Variants in PYGB observed in about 807,000 individuals in gnomAD.
PYGB encodes the protein glycogen phosphorylase B, also known as glycogen phosphorylase, brain form.
PYGB carries 82 observed loss-of-function variants against 94.3 expected under a neutral mutation model. The observed-to-expected ratio is 0.87, with a 90% confidence interval of 0.73 to 1.04. The LOEUF (loss-of-function observed/expected upper bound fraction) is 1.04, where lower values mean the gene tolerates loss of function less well. PYGB is among the 50% of genes least tolerant of loss of function. The pLI, the probability that PYGB is intolerant of heterozygous loss-of-function variation, is 0.00. For missense variants in PYGB, 1,132 were observed against 1,158.2 expected, an observed-to-expected ratio of 0.98 and a Z score of 0.33; for synonymous variants, 488 against 479.1, an observed-to-expected ratio of 1.02 and a Z score of -0.24.
intron 2 of PYGB, among the ~76,000 whole-genome samples, chr20:25,268,825 C>T (rs770854168): frequency 3.3e-5 from 5 of 152,186 alleles, no homozygotes; most frequent in African/African-American, 9.7e-5. Context: ...AAATATGTCA[C>T]GTAAATATCG....
intron 11 of PYGB, among the ~76,000 whole-genome samples, chr20:25,281,529 C>G (rs977520654): frequency 6.6e-6 from 1 of 152,224 alleles, no homozygotes. Context: ...GGAATTACTC[C>G]CACTCTTTCA....
intron 18 of PYGB, chr20:25,294,719 A>G: frequency 1.6e-6 from 1 of 616,366 alleles, no homozygotes; most frequent in Non-Finnish European, 2.9e-6. Flanking sequence ...GCAGTGGTGA[A>G]AATGGATTTC....
Position 25,278,377 on chromosome 20 carries a change from T to A in PYGB, c.914T>A (p.Leu305His), listed in dbSNP as rs772433213. Reference protein sequence around the residue: ...KQEYFVVAATLQDIIRRFKSS... With the variant: ...KQEYFVVAATHQDIIRRFKSS... ...GAGTACTTCGTGGTGGCCGCCACGCTCCAGGACATCATCCGCCGCTTCAAG... is the reference window on the plus strand; with the variant it reads ...GAGTACTTCGTGGTGGCCGCCACGCACCAGGACATCATCCGCCGCTTCAAG... Residue 305 changes from leucine to histidine, a missense_variant, in exon 8 of 20, where the codon CTC becomes CAC. Leu to His is a moderately conservative substitution (Grantham distance 99). Coordinates refer to ENST00000216962, the MANE Select transcript of PYGB (RefSeq NM_002862.4). The A allele has an allele frequency of 6.2e-7, 1 of 1,602,358 alleles. No individual in the cohort carries two copies. Among genetic ancestry groups the A allele is most frequent in the African/African-American group, 1.4e-5 (1 of 70,254 alleles).
intron 1 of PYGB, among the ~76,000 whole-genome samples, chr20:25,252,113 C>G (rs1054680787): frequency 3.3e-5 from 5 of 152,218 alleles, no homozygotes; most frequent in African/African-American, 1.2e-4. Flanking sequence ...GGGCAGGCTT[C>G]CCTGACAGCA....
rs1266609111 is a variant in PYGB, at chr20:25,290,539, ACGT to A, written c.1891_1893del (p.Val631del). 3.7e-6 allele frequency: 6 copies of A among 1,611,720 alleles called. No individual in the cohort carries two copies. Among genetic ancestry groups the A allele is most frequent in the Non-Finnish European group, 5.1e-6 (6 of 1,177,992 alleles). On this transcript the variant is annotated inframe_deletion, in exon 16 of 20. Coordinates refer to ENST00000216962, the MANE Select transcript of PYGB (RefSeq NM_002862.4). ...ATCAAGTTGGTCACCTCCATCGGCG[ACGT>A]CGTCAATCATGACCCAGTTGTGGGT...
At chr20:25,250,986 TA>T (rs2092886200) in intron 1 of PYGB, 1 of 152,202 alleles carries the variant, frequency 6.6e-6, no homozygotes, top group Non-Finnish European at 1.5e-5. Context: ...TTTTAATACA[TA>T]AAATAACATT....
Position 25,288,461 on chromosome 20 carries a change from G to A in PYGB, c.1805G>A (p.Arg602Lys), listed in dbSNP as rs1245860533. ...KRDPAKAFVP[R>K]TVMIGGKAAP... ...GACCCGGCCAAGGCTTTTGTGCCCA[G>A]GACTGTTATGATTGGGGGCAAGGTG... Residue 602 changes from arginine (R) to lysine (K), a missense_variant, in exon 15 of 20, where the codon AGG becomes AAG. Physicochemically the swap from Arg to Lys is conservative, Grantham distance 26. Coordinates refer to ENST00000216962, the MANE Select transcript of PYGB (RefSeq NM_002862.4). 1.9e-6 allele frequency: 3 copies of A among 1,614,150 alleles called. No individual in the cohort carries two copies. The highest frequency in any genetic ancestry group is 2.2e-5 in the East Asian group (1 of 44,876).
intron 2 of PYGB, among the ~76,000 whole-genome samples, chr20:25,260,602 G>C (rs1165425986): frequency 1.3e-5 from 2 of 152,224 alleles, no homozygotes; most frequent in African/African-American, 2.4e-5. Context: ...CTGAGGTACT[G>C]GGTTCATCTC....
intron 1 of PYGB, among the ~76,000 whole-genome samples, chr20:25,257,937 C>T (rs923752823): frequency 6.6e-6 from 1 of 152,122 alleles, no homozygotes; most frequent in African/African-American, 2.4e-5. Flanking sequence ...AAATAAAATC[C>T]AGCATGATGA....
intron 2 of PYGB, among the ~76,000 whole-genome samples, chr20:25,260,476 T>C (rs1229281430): frequency 6.6e-6 from 1 of 152,238 alleles, no homozygotes; most frequent in African/African-American, 2.4e-5. Context: ...CAAGCATGTA[T>C]CCTTTTAAAC....
intron 18 of PYGB, 77 bp from the exon 19 acceptor site, chr20:25,295,526 GC>G (rs2088527578): frequency 6.7e-7 from 1 of 1,499,278 alleles, no homozygotes; most frequent in Non-Finnish European, 9.3e-7. Flanking sequence ...CTGGCCTCCT[GC>G]CCTGGGACTC....
intron 7 of PYGB, among the ~76,000 whole-genome samples, 172 bp downstream of exon 7, chr20:25,277,498 C>T (rs562105464): frequency 1.3e-5 from 2 of 152,282 alleles, no homozygotes; most frequent in Admixed American, 6.5e-5. Flanking sequence ...GGAGAGGGTG[C>T]ACTGTCCTCC....
In PYGB at chr20:25,271,715, G is replaced by T. The variant is rs541009581; in HGVS notation, c.528+229G>T. On this transcript the variant is annotated intron_variant, in intron 4 of 19. Coordinates refer to ENST00000216962, the MANE Select transcript of PYGB (RefSeq NM_002862.4). ...GCTTTTTGCCAGCTGCCTCTGCCTG[G>T]TGACAGGGAAGTTGGGGCGTGCAGG... Among the ~76,000 whole-genome samples the T allele has an allele frequency of 1.2e-4, 18 of 152,330 alleles. No homozygotes were observed. The South Asian group carries it at 2.3e-3, about 19-fold the overall frequency.
intron 1 of PYGB, among the ~76,000 whole-genome samples, chr20:25,258,223 C>T (rs770903130): frequency 7.2e-5 from 11 of 152,116 alleles, no homozygotes; most frequent in East Asian, 1.9e-4. Context: ...TGGACCTCAC[C>T]GACGACCCAT....
chr20:25,282,970 C>T (rs185928951), intron 12 of PYGB, among the ~76,000 whole-genome samples: 1 of 152,216 alleles, frequency 6.6e-6, no homozygotes, highest in East Asian at 1.9e-4. Context: ...TGGGACTGGG[C>T]CATCTCGCAG....
chr20:25,284,372 C>A (rs1349721726), intron 14 of PYGB, 121 bp downstream of exon 14: 7 of 1,313,158 alleles, frequency 5.3e-6, no homozygotes, highest in Non-Finnish European at 6.2e-6. Context: ...TAGGCGTGTG[C>A]ATGTGTGATG....
At chr20:25,280,820 C>A in intron 10 of PYGB, 129 bp from the exon 11 acceptor site, 1 of 1,252,272 alleles carries the variant, frequency 8.0e-7, no homozygotes, top group Non-Finnish European at 1.1e-6. Context: ...GCTGTCACAG[C>A]CCCAGAACTT....
intron 2 of PYGB, among the ~76,000 whole-genome samples, chr20:25,264,624 A>G (rs2092920643): frequency 6.6e-6 from 1 of 152,182 alleles, no homozygotes; most frequent in African/African-American, 2.4e-5. Flanking sequence ...ATTCCTATAC[A>G]CCAATAAACA....
At position 25,281,158 on chromosome 20, in the gene PYGB, C is replaced by T. The variant is rs368293761; in HGVS notation, c.1403+46C>T. 4 of 1,605,084 alleles carry T rather than the reference C, an allele frequency of 2.5e-6. No individual in the cohort carries two copies. In the African/African-American group the frequency reaches 5.3e-5, roughly 21 times the overall value. On this transcript the variant is annotated intron_variant, in intron 11 of 19. Transcript: ENST00000216962. ...AGCGGGGCCAGCTCTGTCTGACACC[C>T]AGGCCTGCGTCTAGGACCATCCACC...
Sources: gnomAD v4.1 joint callset for allele counts (sites outside exome capture counted in the v4.1 genomes callset) on GRCh38, gnomAD v4.1.1 for gene constraint, MANE v1.5 for transcripts, NCBI Gene and HGNC (gene_info 2026-07-23, HGNC 2026-07-21) for gene names.